Variants in PTGFRN observed in about 807,000 individuals in gnomAD.
PTGFRN encodes prostaglandin F2 receptor negative regulator.
PTGFRN carries 35 observed loss-of-function variants against 83.2 expected under a neutral mutation model. That is an observed-to-expected ratio of 0.42 (90% CI 0.32 to 0.56). PTGFRN has a LOEUF of 0.56. Among genes scored for constraint, PTGFRN ranks in the 20% least tolerant of loss-of-function variants. The pLI, the probability that PTGFRN is intolerant of heterozygous loss-of-function variation, is 0.11. For synonymous variants in PTGFRN, 519 were observed against 498.6 expected (o/e 1.04, Z -0.55); for missense variants, 1,051 against 1,179.5 (o/e 0.89, Z 1.60).
intron 1 of PTGFRN, among the ~76,000 whole-genome samples, chr1:116,936,970 T>C (rs1557962027): frequency 6.6e-6 from 1 of 152,170 alleles, no homozygotes; most frequent in East Asian, 1.9e-4. Context: ...TCATAAAGTA[T>C]TTTAGTAATA....
chr1:116,938,740 C>T (rs1252224481), intron 1 of PTGFRN, among the ~76,000 whole-genome samples: 2 of 152,196 alleles, frequency 1.3e-5, no homozygotes, highest in Admixed American at 6.5e-5. Context: ...CATTAACTTA[C>T]AAGTCCACAG....
At position 116,972,951 on chromosome 1, in the gene PTGFRN, T is replaced by TTTTA. The variant is rs530452441; in HGVS notation, c.2060-1246_2060-1243dup. ...GTTTTTTAACCAGACTTTATTTTAATTTTATTTATTTATTTATTTATTGAG... is the reference window on the plus strand; with the variant it reads ...GTTTTTTAACCAGACTTTATTTTAATTTTATTTATTTATTTATTTATTTATTGAG... On this transcript the variant is annotated intron_variant, in intron 6 of 8. Transcript: ENST00000393203. Among the ~76,000 whole-genome samples the TTTTA allele has an allele frequency of 9.2e-3, 1,401 of 152,150 alleles. 18 individuals are homozygous for TTTTA. The highest frequency in any genetic ancestry group is 0.015 in the Non-Finnish European group (1,027 of 67,998).
chr1:116,968,165 TG>T (rs1650893095), intron 6 of PTGFRN, among the ~76,000 whole-genome samples: 1 of 152,210 alleles, frequency 6.6e-6, no homozygotes, highest in Non-Finnish European at 1.5e-5. Flanking sequence ...GATTATCATT[TG>T]TGAGTTTAAT....
chr1:116,968,192 T>C (rs1021990617), intron 6 of PTGFRN, among the ~76,000 whole-genome samples: 3 of 152,214 alleles, frequency 2.0e-5, no homozygotes, highest in African/African-American at 7.2e-5. Context: ...GTGTTTTCAC[T>C]AACTCTGCCC....
At chr1:116,926,437 G>C (rs1490744260) in intron 1 of PTGFRN, among the ~76,000 whole-genome samples, 3 of 152,194 alleles carry the variant, frequency 2.0e-5, no homozygotes, top group African/African-American at 7.2e-5. Flanking sequence ...AAACCTTGTG[G>C]ATAGATCTTG....
chr1:116,910,357 G>C, intron 1 of PTGFRN, 105 bp downstream of exon 1: 3 of 1,057,926 alleles, frequency 2.8e-6, no homozygotes, highest in Non-Finnish European at 3.6e-6. Context: ...GAGGGTGCCC[G>C]GGCTGCTCCC....
intron 7 of PTGFRN, among the ~76,000 whole-genome samples, chr1:116,978,820 G>A (rs1651230787): frequency 6.6e-6 from 1 of 152,100 alleles, no homozygotes; most frequent in South Asian, 2.1e-4. Flanking sequence ...CACAAGACAG[G>A]GATACCCTCT....
intron 1 of PTGFRN, among the ~76,000 whole-genome samples, chr1:116,939,149 C>T (rs892500489): frequency 2.6e-5 from 4 of 152,322 alleles, no homozygotes; most frequent in South Asian, 2.1e-4. Flanking sequence ...GTGGATCTAC[C>T]GTTCTGGGGT....
At position 116,967,002 on chromosome 1, in the gene PTGFRN, T is replaced by C; in HGVS notation, c.1731T>C (p.Asn577=). The change falls in exon 6 of 9, where the codon AAT becomes AAC. Residue 577 remains asparagine, a synonymous_variant. Transcript: ENST00000393203. ...FEMTCKVSSK[N]IKSPRYSVLI... ...TGACTTGCAAAGTATCTTCCAAGAA[T>C]ATTAAGTCGCCACGCTACTCTGTTC... 1.2e-6 allele frequency: 2 copies of C among 1,614,202 alleles called. No homozygotes were observed. The highest frequency in any genetic ancestry group is 1.7e-6 in the Non-Finnish European group (2 of 1,180,030).
chr1:116,969,116 ATC>A (rs2101081636), intron 6 of PTGFRN, among the ~76,000 whole-genome samples: 1 of 137,580 alleles, frequency 7.3e-6, no homozygotes, highest in South Asian at 2.3e-4. Context: ...AGTCCAGTTT[ATC>A]TGTTTTTTTT....
rs1651514481 is a variant in PTGFRN, at chr1:116,986,983, G to A, written c.*16G>A. ...GATGGACTAGGCTGGCCCGGGAGGG[G>A]AGTGACAGAGGGACGTTCTAGGAGC... On this transcript the variant is annotated 3_prime_UTR_variant, in exon 9 of 9. Coordinates refer to ENST00000393203, the MANE Select transcript of PTGFRN (RefSeq NM_020440.4). 5.6e-6 allele frequency: 9 copies of A among 1,613,910 alleles called. No individual in the cohort carries two copies. Among genetic ancestry groups the A allele is most frequent in the South Asian group, 1.1e-5 (1 of 91,062 alleles).
At chr1:116,925,887 A>T (rs1649645856) in intron 1 of PTGFRN, among the ~76,000 whole-genome samples, 1 of 152,170 alleles carries the variant, frequency 6.6e-6, no homozygotes, top group African/African-American at 2.4e-5. Context: ...GAAGTATCAG[A>T]CTGTAGTTAA....
chr1:116,930,747 C>T (rs1649775444), intron 1 of PTGFRN, among the ~76,000 whole-genome samples: 2 of 152,112 alleles, frequency 1.3e-5, no homozygotes, highest in Admixed American at 1.3e-4. Context: ...ATCTCTGGGC[C>T]TCCATGTCTC....
intron 5 of PTGFRN, among the ~76,000 whole-genome samples, chr1:116,965,845 T>TATG (rs1259112432): frequency 6.6e-6 from 1 of 152,190 alleles, no homozygotes; most frequent in African/African-American, 2.4e-5. Flanking sequence ...GTACCTGCAG[T>TATG]ATGGAAGGCT....
chr1:116,927,390 A>G (rs763069089), intron 1 of PTGFRN, among the ~76,000 whole-genome samples: 6 of 152,208 alleles, frequency 3.9e-5, no homozygotes, highest in Non-Finnish European at 8.8e-5. Context: ...ACTGGAAGCA[A>G]TGTCATAGTT....
At chr1:116,936,283 T>G (rs1008822446) in intron 1 of PTGFRN, among the ~76,000 whole-genome samples, 5 of 152,362 alleles carry the variant, frequency 3.3e-5, no homozygotes, top group African/African-American at 1.2e-4. Flanking sequence ...CCAGATTGCT[T>G]GGTGGCAATT....
At chr1:116,937,813 C>G (rs1459394006) in intron 1 of PTGFRN, among the ~76,000 whole-genome samples, 1 of 152,136 alleles carries the variant, frequency 6.6e-6, no homozygotes, top group Non-Finnish European at 1.5e-5. Context: ...CAGGTTTATC[C>G]TAGAGGTGGC....
rs569021462 is a variant in PTGFRN at position 116,987,100 on chromosome 1, C to G, written c.*133C>G. ...CTAATCTCAGGTGGGACTTGGCGCT[C>G]TCTCTTTTCTGCATGTCAAGTTCTG... On this transcript the variant is annotated 3_prime_UTR_variant, in exon 9 of 9. Coordinates refer to ENST00000393203, the MANE Select transcript of PTGFRN (RefSeq NM_020440.4). The G allele has an allele frequency of 1.2e-4, 119 of 1,031,498 alleles. No homozygotes were observed. The highest frequency in any genetic ancestry group is 2.8e-6 in the Non-Finnish European group (2 of 715,334). The allele number at this position is 1,031,498 out of a possible 1,614,324, so 63.9% of individuals were successfully genotyped here.
rs1650337489 is a variant in PTGFRN at position 116,951,194 on chromosome 1, AC to A, written c.1213+1625del. Among the ~76,000 whole-genome samples, 4 of 152,078 alleles carry A rather than the reference AC, an allele frequency of 2.6e-5. No homozygotes were observed. The South Asian group carries it at 8.3e-4, about 32-fold the overall frequency. On this transcript the variant is annotated intron_variant, in intron 4 of 8. Transcript: ENST00000393203. The stretch of plus-strand genomic sequence containing the variant: ...AGTACGTGTGCATTGATCCCGGCAT[AC>A]CCGGGGGGAGATGCAGGGACTGTCA...
Sources: gnomAD v4.1 joint callset for allele counts (sites outside exome capture counted in the v4.1 genomes callset) on GRCh38, gnomAD v4.1.1 for gene constraint, MANE v1.5 for transcripts, NCBI Gene and HGNC (gene_info 2026-07-23, HGNC 2026-07-21) for gene names.